Variants in ATP8B4 observed in about 807,000 individuals in gnomAD.
ATP8B4 encodes ATPase phospholipid transporting 8B4 (putative).
In ATP8B4, 133 loss-of-function variants were observed where a neutral mutation model predicts 145.6. The ratio of observed to expected loss-of-function variants is 0.91; its 90% CI spans 0.79 to 1.05. ATP8B4 has a LOEUF of 1.05. Ranked by LOEUF, ATP8B4 falls within the 50% of genes least tolerant of loss-of-function variation. The pLI is 0.00. For missense variants in ATP8B4, 1,458 were observed against 1,425.2 expected, an observed-to-expected ratio of 1.02 and a Z score of -0.37; for synonymous variants, 507 against 492.9, an observed-to-expected ratio of 1.03 and a Z score of -0.38.
intron 9 of ATP8B4, 138 bp downstream of exon 9, chr15:49,996,539 A>C (rs2047440230): frequency 1.5e-6 from 1 of 662,856 alleles, no homozygotes; most frequent in Non-Finnish European, 2.5e-6. Flanking sequence ...CGTGCGAAGA[A>C]ATTACAGGCT....
At chr15:50,165,065 G>T (rs4775867) in intron 1 of ATP8B4, among the ~76,000 whole-genome samples, 84,817 of 149,754 alleles carry the variant, frequency 0.57, 24,454 homozygotes, top group East Asian at 0.93. Flanking sequence ...CTTTTTTTTT[G>T]GGGAGATGGA....
chr15:50,153,626 T>C (rs550455699), intron 1 of ATP8B4, among the ~76,000 whole-genome samples: 56 of 135,826 alleles, frequency 4.1e-4, no homozygotes, highest in African/African-American at 1.2e-3. Flanking sequence ...CATGAGCCAC[T>C]GCGCCCAGCC....
chr15:50,018,718 G>T (rs923001477), intron 6 of ATP8B4, among the ~76,000 whole-genome samples: 1 of 152,126 alleles, frequency 6.6e-6, no homozygotes, highest in Non-Finnish European at 1.5e-5. Flanking sequence ...CCCCATAAAT[G>T]GTGAGCTCAT....
chr15:50,155,511 T>G (rs2044398567), intron 1 of ATP8B4, among the ~76,000 whole-genome samples: 1 of 152,152 alleles, frequency 6.6e-6, no homozygotes, highest in Non-Finnish European at 1.5e-5. Context: ...TTAACAATTT[T>G]TAAACCAACT....
chr15:50,085,512 A>G (rs1202955665), intron 2 of ATP8B4, among the ~76,000 whole-genome samples: 2 of 152,082 alleles, frequency 1.3e-5, no homozygotes, highest in Non-Finnish European at 2.9e-5. Context: ...GCAGTGCCGT[A>G]ACATAAGAAT....
At chr15:50,136,499 T>G (rs8038060) in intron 1 of ATP8B4, among the ~76,000 whole-genome samples, 150,515 of 152,350 alleles carry the variant, frequency 0.99, 74,374 homozygotes, top group East Asian at 1. Flanking sequence ...TGTTGGGTTG[T>G]AAAGACTGTT....
intron 1 of ATP8B4, among the ~76,000 whole-genome samples, chr15:50,178,632 G>A (rs1255081732): frequency 6.6e-6 from 1 of 152,112 alleles, no homozygotes; most frequent in Non-Finnish European, 1.5e-5. Flanking sequence ...CGAGTAGCTG[G>A]AATTACAGGT....
chr15:50,085,900 A>G lies in ATP8B4; in HGVS notation c.29-11715T>C, dbSNP rs1391376058. Among the ~76,000 whole-genome samples the G allele has an allele frequency of 6.0e-5, 5 of 83,498 alleles. No individual in the cohort carries two copies. In the East Asian group the frequency reaches 1.3e-3, roughly 22 times the overall value. The allele number at this position is 83,498 out of a possible 152,430, so 54.8% of individuals were successfully genotyped here. On this transcript the variant is annotated intron_variant, in intron 2 of 27. Coordinates refer to ENST00000284509, the MANE Select transcript of ATP8B4 (RefSeq NM_024837.4). Reference sequence around the variant, plus strand: ...ATTTATATATTTATATATGATATATATCATATATATTTATATATGATATAT... The same window carrying G: ...ATTTATATATTTATATATGATATATGTCATATATATTTATATATGATATAT...
At chr15:50,002,343 A>T (rs1465944006) in intron 7 of ATP8B4, 120 bp from the exon 8 acceptor site, 5 of 758,794 alleles carry the variant, frequency 6.6e-6, no homozygotes, top group Non-Finnish European at 1.0e-5. Flanking sequence ...AGAGTAAAAG[A>T]AGTGAGATCC....
At chr15:49,934,255 G>C in intron 14 of ATP8B4, 73 bp from the exon 15 acceptor site, 1 of 1,473,560 alleles carries the variant, frequency 6.8e-7, no homozygotes, top group Non-Finnish European at 9.1e-7. Flanking sequence ...TTCAAAAATA[G>C]TTCCCCCAAG....
intron 9 of ATP8B4, among the ~76,000 whole-genome samples, chr15:49,993,891 T>C (rs143155820): frequency 7.2e-5 from 11 of 152,294 alleles, no homozygotes; most frequent in Non-Finnish European, 1.2e-4. Flanking sequence ...AGGTCTGTGT[T>C]GTCTTTATTT....
intron 22 of ATP8B4, among the ~76,000 whole-genome samples, 163 bp downstream of exon 22, chr15:49,897,905 C>T (rs554321793): frequency 1.3e-5 from 2 of 152,212 alleles, no homozygotes; most frequent in East Asian, 1.9e-4. Flanking sequence ...AATTTTGTTA[C>T]GAATACTAAT....
In ATP8B4 at chr15:49,871,008, C is replaced by T. The variant is rs532542450; in HGVS notation, c.3028-4524G>A. Among the ~76,000 whole-genome samples, 11 of 152,342 alleles carry T rather than the reference C, an allele frequency of 7.2e-5. No homozygotes were observed. In the South Asian group the frequency reaches 2.3e-3, roughly 32 times the overall value. Reference sequence around the variant, plus strand: ...AGGTGGGGACCACGAATTCCCTGTACTTACTATGTGACTGGGGAGGCCCAC... The same window carrying T: ...AGGTGGGGACCACGAATTCCCTGTATTTACTATGTGACTGGGGAGGCCCAC... On this transcript the variant is annotated intron_variant, in intron 25 of 27. Coordinates refer to ENST00000284509, the MANE Select transcript of ATP8B4 (RefSeq NM_024837.4).
intron 1 of ATP8B4, among the ~76,000 whole-genome samples, chr15:50,150,086 G>A (rs953545416): frequency 1.3e-5 from 2 of 151,548 alleles, no homozygotes; most frequent in East Asian, 3.9e-4. Flanking sequence ...GGGTGACAGA[G>A]CAAGACTCCG....
intron 2 of ATP8B4, among the ~76,000 whole-genome samples, chr15:50,089,412 G>T (rs895269972): frequency 6.6e-6 from 1 of 151,982 alleles, no homozygotes; most frequent in African/African-American, 2.4e-5. Flanking sequence ...AATCTATAAG[G>T]AACTTAAACA....
chr15:49,972,934 T>C (rs2045307751), intron 12 of ATP8B4, 144 bp from the exon 13 acceptor site: 5 of 699,420 alleles, frequency 7.1e-6, no homozygotes, highest in Non-Finnish European at 1.2e-5. Context: ...CCCAGGGATC[T>C]TCAGAAGCTT....
intron 19 of ATP8B4, among the ~76,000 whole-genome samples, chr15:49,918,307 G>T (rs768806942): frequency 3.9e-5 from 6 of 152,172 alleles, no homozygotes; most frequent in Non-Finnish European, 8.8e-5. Context: ...ATTCAGCCAG[G>T]TTGCACTGTT....
At chr15:50,043,901 C>T (rs915105550) in intron 5 of ATP8B4, among the ~76,000 whole-genome samples, 2 of 146,694 alleles carry the variant, frequency 1.4e-5, no homozygotes, top group Admixed American at 1.4e-4. Context: ...TGCAGTGAGC[C>T]GAGATTGCGC....
chr15:50,145,064 A>C (rs1056359300), intron 1 of ATP8B4, among the ~76,000 whole-genome samples: 1 of 152,196 alleles, frequency 6.6e-6, no homozygotes, highest in Non-Finnish European at 1.5e-5. Flanking sequence ...GTATGGTATT[A>C]CCTCTACAAT....
Sources: gnomAD v4.1 joint callset for allele counts (sites outside exome capture counted in the v4.1 genomes callset) on GRCh38, gnomAD v4.1.1 for gene constraint, MANE v1.5 for transcripts, NCBI Gene and HGNC (gene_info 2026-07-23, HGNC 2026-07-21) for gene names.